RAB5IF: variants seen among roughly 807,000 people sequenced by gnomAD.
RAB5IF encodes the protein RAB5 interacting factor.
Under a neutral mutation model 20.3 loss-of-function variants are expected in RAB5IF, and 15 were observed. The observed-to-expected ratio is 0.74, with a 90% CI of 0.50 to 1.14. The LOEUF (loss-of-function observed/expected upper bound fraction) is 1.14. Among genes scored for constraint, RAB5IF ranks in the 50% most tolerant of loss-of-function variants. The probability of loss-of-function intolerance (pLI) is 0.00; values close to 1 mark genes in which losing one functional copy is unlikely to be tolerated. For missense variants in RAB5IF, 148 were observed against 159.5 expected (o/e 0.93, Z 0.39); for synonymous variants, 67 against 63.7 (o/e 1.05, Z -0.25).
chr20:36,608,376 C>A (rs1650266580), intron 2 of RAB5IF, among the ~76,000 whole-genome samples: 1 of 151,992 alleles, frequency 6.6e-6, no homozygotes, highest in South Asian at 2.1e-4. Context: ...TCCTAAGTAG[C>A]TGGAACTACA....
intron 2 of RAB5IF, among the ~76,000 whole-genome samples, chr20:36,608,772 C>CCAGGTTGGT (rs2038995081): frequency 6.6e-6 from 1 of 151,678 alleles, no homozygotes; most frequent in Non-Finnish European, 1.5e-5. Flanking sequence ...GCCATGTTGG[C>CCAGGTTGGT]CAGGTTGGTC....
intron 2 of RAB5IF, among the ~76,000 whole-genome samples, chr20:36,608,750 CGACG>C (rs965959226): frequency 6.6e-6 from 1 of 151,118 alleles, no homozygotes; most frequent in African/African-American, 2.4e-5. Flanking sequence ...TTTTTAGTAG[CGACG>C]GGGTTTCGCC....
intron 3 of RAB5IF, among the ~76,000 whole-genome samples, chr20:36,611,394 C>A (rs1419651414): frequency 2.0e-5 from 3 of 146,508 alleles, no homozygotes; most frequent in Non-Finnish European, 3.0e-5. Flanking sequence ...TCCAGGAGTT[C>A]GAGACCAGCT....
At chr20:36,609,179 A>ACACACACACACACACACC (rs2039019738) in intron 2 of RAB5IF, among the ~76,000 whole-genome samples, 1 of 34,880 alleles carries the variant, frequency 2.9e-5, no homozygotes. Context: ...ACACACACAC[A>ACACACACACACACACACC]CACACACACA....
chr20:36,607,905 C>T, intron 2 of RAB5IF, 87 bp downstream of exon 2: 3 of 1,576,462 alleles, frequency 1.9e-6, no homozygotes, highest in South Asian at 1.1e-5. Flanking sequence ...GCCATTGCTG[C>T]TCTGGAGCTG....
chr20:36,609,510 G>C (rs1251219662), intron 2 of RAB5IF, 91 bp from the exon 3 acceptor site: 1 of 1,495,412 alleles, frequency 6.7e-7, no homozygotes, highest in East Asian at 2.4e-5. Flanking sequence ...AAAGTGCTGG[G>C]ATTACAGGTG....
chr20:36,606,893 C>T (rs1337592036), intron 1 of RAB5IF, among the ~76,000 whole-genome samples: 3 of 152,218 alleles, frequency 2.0e-5, no homozygotes, highest in African/African-American at 4.8e-5. Flanking sequence ...ATTTTCCTTC[C>T]TGAAGTTCCT....
chr20:36,609,788 C>G, intron 3 of RAB5IF, 58 bp downstream of exon 3: 2 of 1,613,902 alleles, frequency 1.2e-6, no homozygotes, highest in Non-Finnish European at 1.7e-6. Flanking sequence ...GTGTCACTCA[C>G]AGGAGGGGAC....
In RAB5IF at chr20:36,607,597, C is replaced by T. The variant is rs939818619; in HGVS notation, c.115-118C>T. ...GTGAAACAGGAAGCACATACTGTTG[C>T]CTTTGGGGGGAAACAAATTTCCTGG... On this transcript the variant is annotated intron_variant, in intron 1 of 3. Coordinates refer to ENST00000344795, the MANE Select transcript of RAB5IF (RefSeq NM_018840.5). 50 of 1,191,946 alleles carry T rather than the reference C, an allele frequency of 4.2e-5. No individual in the cohort carries two copies. In the African/African-American group the frequency reaches 6.9e-4, roughly 16 times the overall value. 73.8% of individuals were successfully genotyped at this position (1,191,946 alleles called of 1,614,324 possible).
intron 3 of RAB5IF, among the ~76,000 whole-genome samples, chr20:36,610,129 A>G (rs1462353664): frequency 6.6e-6 from 1 of 152,170 alleles, no homozygotes; most frequent in Non-Finnish European, 1.5e-5. Flanking sequence ...CTAAAAATAC[A>G]AAAAATTAGT....
chr20:36,609,156 T>TACATACATACATACATACACACACACAC, intron 2 of RAB5IF, among the ~76,000 whole-genome samples: 4 of 17,064 alleles, frequency 2.3e-4, no homozygotes, highest in Middle Eastern at 0.042. Context: ...AGAACTATAT[T>TACATACATACATACATACACACACACAC]ACACACACAC....
chr20:36,609,186 C>CAG (rs2039022382), intron 2 of RAB5IF, among the ~76,000 whole-genome samples: 1 of 46,528 alleles, frequency 2.1e-5, no homozygotes, highest in Non-Finnish European at 4.1e-5. Context: ...CACACACACA[C>CAG]ACACACACGC....
chr20:36,606,714 C>T (rs1347580083), intron 1 of RAB5IF, among the ~76,000 whole-genome samples: 3 of 152,112 alleles, frequency 2.0e-5, no homozygotes, highest in Non-Finnish European at 4.4e-5. Context: ...CAGATATGTG[C>T]GAGAATTGGT....
chr20:36,610,254 AGCCTGG>A (rs2039075603), intron 3 of RAB5IF, among the ~76,000 whole-genome samples: 1 of 152,108 alleles, frequency 6.6e-6, no homozygotes, highest in African/African-American at 2.4e-5. Flanking sequence ...ATCGCATTCT[AGCCTGG>A]GCAACAAGAG....
Position 36,612,527 on chromosome 20 carries a change from T to G in RAB5IF, c.*476T>G. 1 of 401,884 alleles carries G rather than the reference T, an allele frequency of 2.5e-6. No homozygotes were observed. The highest frequency in any genetic ancestry group is 3.8e-5 in the Admixed American group (1 of 26,310). 24.9% of individuals were successfully genotyped at this position (401,884 alleles called of 1,614,324 possible). A position where few individuals can be genotyped will look rare whatever the true frequency, so the allele number is the denominator to read the frequency against. The stretch of plus-strand genomic sequence containing the variant: ...GTTTCCATTGTAGAATGTTTTCACA[T>G]ACTTGAATAAATCAAATCTTTAATT... On this transcript the variant is annotated 3_prime_UTR_variant, in exon 4 of 4. Coordinates refer to ENST00000344795, the MANE Select transcript of RAB5IF (RefSeq NM_018840.5).
At chr20:36,608,566 T>TC (rs1222672574) in intron 2 of RAB5IF, among the ~76,000 whole-genome samples, 1 of 149,418 alleles carries the variant, frequency 6.7e-6, no homozygotes, top group East Asian at 1.9e-4. Flanking sequence ...CTTTTTTTTT[T>TC]TTTTTTTTTT....
intron 2 of RAB5IF, among the ~76,000 whole-genome samples, chr20:36,609,256 C>A (rs556842333): frequency 4.9e-5 from 6 of 121,660 alleles, no homozygotes; most frequent in East Asian, 4.3e-4. Flanking sequence ...CACACACACA[C>A]TATATATAGA....
At position 36,606,092 on chromosome 20, in the gene RAB5IF, G is replaced by C. The variant is rs745570484; in HGVS notation, c.114+27G>C. Reference sequence around the variant, plus strand: ...TACGGTGGAGTCTGAACAGGGCGCGGGTGCGAGGAGTCGGCTGGGACTCGG... The same window carrying C: ...TACGGTGGAGTCTGAACAGGGCGCGCGTGCGAGGAGTCGGCTGGGACTCGG... On this transcript the variant is annotated intron_variant, in intron 1 of 3. Transcript: ENST00000344795. 16 of 1,310,500 alleles carry C rather than the reference G, an allele frequency of 1.2e-5. No individual in the cohort carries two copies. In the South Asian group the frequency reaches 2.0e-4, roughly 17 times the overall value. The allele number at this position is 1,310,500 out of a possible 1,614,324, so 81.2% of individuals were successfully genotyped here.
Position 36,607,695 on chromosome 20 carries a change from A to G in RAB5IF, c.115-20A>G, listed in dbSNP as rs1327089130. The G allele has an allele frequency of 4.3e-6, 7 of 1,613,100 alleles. No individual in the cohort carries two copies. Among genetic ancestry groups the G allele is most frequent in the African/African-American group, 4.0e-5 (3 of 74,848 alleles). On this transcript the variant is annotated intron_variant, in intron 1 of 3. Coordinates refer to ENST00000344795, the MANE Select transcript of RAB5IF (RefSeq NM_018840.5). The stretch of plus-strand genomic sequence containing the variant: ...GGCACCCACTCCAGATAATTCTTGC[A>G]TTTTCTGTCTTTTCTACAGGATGAA...
Sources: gnomAD v4.1 joint callset for allele counts (sites outside exome capture counted in the v4.1 genomes callset) on GRCh38, gnomAD v4.1.1 for gene constraint, MANE v1.5 for transcripts, NCBI Gene and HGNC (gene_info 2026-07-23, HGNC 2026-07-21) for gene names.